Variants in SPSB4 observed in about 807,000 individuals in gnomAD.
SPSB4 encodes the protein SPRY domain-containing SOCS box protein 4.
SPSB4 carries 21 observed loss-of-function variants against 20.9 expected under a neutral mutation model. The observed-to-expected ratio is 1.01, with a 90% confidence interval of 0.71 to 1.45. The LOEUF (loss-of-function observed/expected upper bound fraction) is 1.45, where lower values mean the gene tolerates loss of function less well. Among genes scored for constraint, SPSB4 ranks in the 40% most tolerant of loss-of-function variants. SPSB4 has a pLI of 0.00. For synonymous variants in SPSB4, 207 were observed against 183.8 expected, an observed-to-expected ratio of 1.13 and a Z score of -1.02; for missense variants, 399 against 399.2, an observed-to-expected ratio of 1.00 and a Z score of 0.00.
chr3:141,081,891 G>A (rs895735315), intron 2 of SPSB4, among the ~76,000 whole-genome samples: 1 of 152,206 alleles, frequency 6.6e-6, no homozygotes, highest in Non-Finnish European at 1.5e-5. Context: ...ATTTATCTCA[G>A]CTTGTAATCC....
intron 2 of SPSB4, among the ~76,000 whole-genome samples, chr3:141,091,357 A>T (rs189824072): frequency 6.6e-6 from 1 of 152,368 alleles, no homozygotes; most frequent in East Asian, 1.9e-4. Context: ...GATTAGTGAG[A>T]CAGTCCATGT....
At chr3:141,076,302 A>ACTTCC (rs1938109314) in intron 2 of SPSB4, among the ~76,000 whole-genome samples, 1 of 152,082 alleles carries the variant, frequency 6.6e-6, no homozygotes, top group Admixed American at 6.5e-5. Context: ...GTCCGGCCCC[A>ACTTCC]CTTCCCTTCC....
intron 2 of SPSB4, among the ~76,000 whole-genome samples, chr3:141,105,346 T>C (rs1423694958): frequency 6.6e-6 from 1 of 152,186 alleles, no homozygotes; most frequent in Non-Finnish European, 1.5e-5. Context: ...AGTTCCCACA[T>C]CCCCTACAAA....
At chr3:141,139,407 G>T (rs1299642090) in intron 2 of SPSB4, among the ~76,000 whole-genome samples, 1 of 152,226 alleles carries the variant, frequency 6.6e-6, no homozygotes, top group Non-Finnish European at 1.5e-5. Context: ...TTGCTCGTTA[G>T]TTGATGCATT....
chr3:141,133,285 C>CT (rs1939164872), intron 2 of SPSB4, among the ~76,000 whole-genome samples: 1 of 152,100 alleles, frequency 6.6e-6, no homozygotes, highest in South Asian at 2.1e-4. Flanking sequence ...TGAGCAGAAA[C>CT]TTTTTAGTTT....
At chr3:141,139,183 G>T (rs1364704744) in intron 2 of SPSB4, among the ~76,000 whole-genome samples, 1 of 151,940 alleles carries the variant, frequency 6.6e-6, no homozygotes. Context: ...TTTTCCATTT[G>T]CTTGGTAGAT....
At chr3:141,146,730 T>C (rs1292535085) in intron 2 of SPSB4, among the ~76,000 whole-genome samples, 3 of 149,144 alleles carry the variant, frequency 2.0e-5, no homozygotes, top group African/African-American at 7.4e-5. Context: ...GCCCAGATTG[T>C]GCCACTGCAC....
intron 2 of SPSB4, among the ~76,000 whole-genome samples, chr3:141,071,994 C>T (rs940806013): frequency 9.2e-5 from 14 of 152,246 alleles, no homozygotes; most frequent in African/African-American, 2.9e-4. Context: ...AAGACCTTCT[C>T]GCTAGACCCC....
At chr3:141,054,515 C>T (rs1936148372) in intron 1 of SPSB4, among the ~76,000 whole-genome samples, 1 of 152,138 alleles carries the variant, frequency 6.6e-6, no homozygotes, top group Admixed American at 6.5e-5. Context: ...TGTTTTGAGG[C>T]TATAGGAAAA....
rs150327275 is a variant in SPSB4, at chr3:141,098,507, C to T, written c.694+31709C>T. 9.8e-3 allele frequency among the ~76,000 whole-genome samples: 1,481 copies of T among 151,652 alleles called. 28 individuals carry two copies. The highest frequency in any genetic ancestry group is 0.034 in the African/African-American group (1,420 of 41,364). On this transcript the variant is annotated intron_variant, in intron 2 of 2. Transcript: ENST00000310546. ...TTACATAATTCTTGTCACGTTTATC[C>T]CTAAGTATTTAGGGATATAAAATTG... is the stretch of plus-strand genomic sequence containing the variant.
chr3:141,094,959 T>C (rs575773307), intron 2 of SPSB4, among the ~76,000 whole-genome samples: 24 of 152,078 alleles, frequency 1.6e-4, no homozygotes, highest in Admixed American at 1.6e-3. Flanking sequence ...GTGGCTGCAC[T>C]GCTCCTCCCA....
intron 2 of SPSB4, among the ~76,000 whole-genome samples, chr3:141,111,174 C>A (rs1030798717): frequency 5.9e-5 from 9 of 152,108 alleles, no homozygotes; most frequent in African/African-American, 2.2e-4. Context: ...TTGGGGCAAA[C>A]TCATTTGGCA....
At chr3:141,073,329 G>A (rs935051534) in intron 2 of SPSB4, among the ~76,000 whole-genome samples, 2 of 152,194 alleles carry the variant, frequency 1.3e-5, no homozygotes, top group Non-Finnish European at 2.9e-5. Flanking sequence ...ATGAAGGCTC[G>A]TGAATGACTT....
rs530182246 is a variant in SPSB4, at chr3:141,054,792, C to T, written c.-154+2800C>T. Among the ~76,000 whole-genome samples the T allele has an allele frequency of 3.9e-5, 6 of 152,268 alleles. No individual in the cohort carries two copies. In the East Asian group the frequency reaches 5.8e-4, roughly 15 times the overall value. On this transcript the variant is annotated intron_variant, in intron 1 of 2. Transcript: ENST00000310546. ...TATCCTGGCTAACACAGTGAAACCC[C>T]GTCTCTACTAAAAATACAAAAAATT...
intron 2 of SPSB4, among the ~76,000 whole-genome samples, chr3:141,135,141 T>C (rs1458497081): frequency 6.6e-6 from 1 of 152,004 alleles, no homozygotes; most frequent in Non-Finnish European, 1.5e-5. Context: ...AGATTAGTTT[T>C]GTCTGTTTCT....
At chr3:141,129,886 A>G (rs890839064) in intron 2 of SPSB4, among the ~76,000 whole-genome samples, 2 of 152,200 alleles carry the variant, frequency 1.3e-5, no homozygotes, top group Non-Finnish European at 2.9e-5. Flanking sequence ...ATAGCTCCGT[A>G]TCCCAGGGAA....
intron 2 of SPSB4, among the ~76,000 whole-genome samples, chr3:141,107,049 A>G (rs1046278129): frequency 1.3e-5 from 2 of 152,200 alleles, no homozygotes; most frequent in African/African-American, 2.4e-5. Flanking sequence ...CTGGGATCTC[A>G]GGCTCACCCC....
chr3:141,118,964 G>A (rs899278743), intron 2 of SPSB4, among the ~76,000 whole-genome samples: 5 of 152,144 alleles, frequency 3.3e-5, no homozygotes, highest in Non-Finnish European at 2.9e-5. Context: ...GATTGTCTTG[G>A]CTATATGGGC....
chr3:141,138,322 G>A (rs1186580856), intron 2 of SPSB4, among the ~76,000 whole-genome samples: 2 of 152,078 alleles, frequency 1.3e-5, no homozygotes, highest in African/African-American at 2.4e-5. Context: ...GGTTTTTTGT[G>A]TCTCTATCTC....
Sources: gnomAD v4.1 joint callset for allele counts (sites outside exome capture counted in the v4.1 genomes callset) on GRCh38, gnomAD v4.1.1 for gene constraint, MANE v1.5 for transcripts, NCBI Gene and HGNC (gene_info 2026-07-23, HGNC 2026-07-21) for gene names.